CARS1: variants seen among roughly 807,000 people sequenced by gnomAD.
CARS1 encodes cysteinyl-tRNA synthetase 1, also known as cysteine--tRNA ligase, cytoplasmic.
In CARS1, 48 loss-of-function variants were observed where a neutral mutation model predicts 106.2. The observed-to-expected ratio is 0.45, with a 90% CI of 0.36 to 0.57. CARS1 has a LOEUF of 0.57. Ranked by LOEUF, CARS1 falls within the 20% of genes least tolerant of loss-of-function variation. The pLI is 0.00. For synonymous variants in CARS1, 409 were observed against 403.4 expected (o/e 1.01, Z -0.17); for missense variants, 968 against 1,057.2 (o/e 0.92, Z 1.17).
chr11:3,026,446 C>T (rs551900848), intron 10 of CARS1, among the ~76,000 whole-genome samples: 4 of 152,180 alleles, frequency 2.6e-5, no homozygotes, highest in Non-Finnish European at 5.9e-5. Context: ...ATCACATGTT[C>T]CCCATAAATT....
chr11:3,051,943 C>T (rs1428476955), intron 1 of CARS1, among the ~76,000 whole-genome samples: 1 of 152,220 alleles, frequency 6.6e-6, no homozygotes, highest in Non-Finnish European at 1.5e-5. Context: ...CAGTCACGTG[C>T]CTCTCACACT....
rs1476172742 is a variant in CARS1, at chr11:3,017,328, G to C, written c.1728-33C>G. Reference sequence around the variant, plus strand: ...ACAAAGAGGAAGGAATGTGAAGTCAGACCTGAAAACACACCATAGAAATTC... The same window carrying C: ...ACAAAGAGGAAGGAATGTGAAGTCACACCTGAAAACACACCATAGAAATTC... On this transcript the variant is annotated intron_variant, in intron 15 of 22. Transcript: ENST00000380525. This position sits in a 1 kb window ranked among gnomAD's most constrained non-coding sequence, Gnocchi z 4.9. 2 of 1,593,254 alleles carry C rather than the reference G, an allele frequency of 1.3e-6. No homozygotes were observed. The highest frequency in any genetic ancestry group is 2.7e-5 in the African/African-American group (2 of 74,692).
chr11:3,012,465 T>C (rs1850577239), intron 17 of CARS1, among the ~76,000 whole-genome samples, 189 bp from the exon 18 acceptor site: 1 of 152,220 alleles, frequency 6.6e-6, no homozygotes, highest in African/African-American at 2.4e-5. Context: ...CTGCTAGGTG[T>C]GCGAGTCACA....
chr11:3,012,061 C>T (rs1850521308), intron 18 of CARS1, 134 bp downstream of exon 18: 2 of 793,452 alleles, frequency 2.5e-6, no homozygotes, highest in African/African-American at 3.4e-5. Context: ...CCGTTCAACA[C>T]CCTGTGGTGC....
At position 3,039,863 on chromosome 11, in the gene CARS1, C is replaced by A; in HGVS notation, c.524G>T (p.Cys175Phe). The A allele has an allele frequency of 6.3e-7, 1 of 1,575,020 alleles. No individual in the cohort carries two copies. Among genetic ancestry groups the A allele is most frequent in the Non-Finnish European group, 8.7e-7 (1 of 1,153,752 alleles). ...GTCATCAATATCCGTAATGTTCATGCAATAAAAGACATCAAATTTGAAGTA... is the reference window on the plus strand; with the variant it reads ...GTCATCAATATCCGTAATGTTCATGAAATAAAAGACATCAAATTTGAAGTA... ...KDYFKFDVFY[C>F]MNITDIDDKI... The change falls in exon 5 of 23, where the codon TGC becomes TTC. Residue 175 changes from cysteine (C) to phenylalanine (F), a missense_variant. Physicochemically the swap from Cys to Phe is radical, Grantham distance 205. Coordinates refer to ENST00000380525, the MANE Select transcript of CARS1 (RefSeq NM_001014437.3). The surrounding 1 kb of genome is among the most constrained non-coding windows in gnomAD (Gnocchi z 5.6).
rs1013115558 is a variant in CARS1, at chr11:3,028,941, T to C, written c.1031+55A>G. The C allele has an allele frequency of 8.1e-7, 1 of 1,227,968 alleles. No individual in the cohort carries two copies. The highest frequency in any genetic ancestry group is 2.3e-5 in the East Asian group (1 of 42,940). The allele number at this position is 1,227,968 out of a possible 1,614,324, so 76.1% of individuals were successfully genotyped here. A position where few individuals can be genotyped will look rare whatever the true frequency, so the allele number is the denominator to read the frequency against. On this transcript the variant is annotated intron_variant, in intron 9 of 22. Transcript: ENST00000380525. This position sits in a 1 kb window ranked among gnomAD's most constrained non-coding sequence, Gnocchi z 4.4. Reference sequence around the variant, plus strand: ...CTCAGGCTCAGAGCTGGGGAGCTCCTCCCTGTGCGATGTTCTGCAGCCCTT... The same window carrying C: ...CTCAGGCTCAGAGCTGGGGAGCTCCCCCCTGTGCGATGTTCTGCAGCCCTT...
At position 3,006,910 on chromosome 11, in the gene CARS1, G is replaced by C; in HGVS notation, c.2118C>G (p.Pro706=). 3 of 1,613,922 alleles carry C rather than the reference G, an allele frequency of 1.9e-6. No homozygotes were observed. The highest frequency in any genetic ancestry group is 2.5e-6 in the Non-Finnish European group (3 of 1,179,910). The change falls in exon 19 of 23, where the codon CCC becomes CCG. Residue 706 remains proline, a synonymous_variant. Coordinates refer to ENST00000380525, the MANE Select transcript of CARS1 (RefSeq NM_001014437.3). ...GGTCTTCAAACCGCACCCCAAGCTC[G>C]GGCAGGATGTTGTCCCGCAGGGCAT... ...LSDALRDNIL[P]ELGVRFEDHE...
In CARS1 at chr11:3,006,738, G is replaced by A. The variant is rs1034466156; in HGVS notation, c.2149+141C>T. ...GGCTGGCCAGCGTGGGAATGGCGCC[G>A]GGGGACCCATGGGGCTGCCACTTTG... On this transcript the variant is annotated intron_variant, in intron 19 of 22. Transcript: ENST00000380525. The A allele has an allele frequency of 1.3e-4, 96 of 753,548 alleles. No individual in the cohort carries two copies. In the East Asian group the frequency reaches 2.0e-3, roughly 15 times the overall value. 46.7% of individuals were successfully genotyped at this position (753,548 alleles called of 1,614,324 possible). A position where few individuals can be genotyped will look rare whatever the true frequency, so the allele number is the denominator to read the frequency against.
intron 18 of CARS1, 121 bp downstream of exon 18, chr11:3,012,074 G>C: frequency 2.2e-6 from 2 of 890,876 alleles, no homozygotes; most frequent in Non-Finnish European, 3.7e-6. Context: ...TGTGGTGCAC[G>C]GGGCAGCCTT....
chr11:3,036,771 C>CA (rs1374162701), intron 7 of CARS1, among the ~76,000 whole-genome samples: 2 of 152,128 alleles, frequency 1.3e-5, no homozygotes, highest in African/African-American at 2.4e-5. Flanking sequence ...GGAAACAACC[C>CA]ACGTGTCCAC....
intron 1 of CARS1, among the ~76,000 whole-genome samples, chr11:3,056,702 C>T (rs992704681): frequency 6.6e-6 from 1 of 152,230 alleles, no homozygotes; most frequent in African/African-American, 2.4e-5. Flanking sequence ...CGCCCACCTC[C>T]CGGAAGCTGC....
intron 22 of CARS1, among the ~76,000 whole-genome samples, chr11:3,001,712 A>G (rs1849416320): frequency 6.6e-6 from 1 of 152,210 alleles, no homozygotes; most frequent in South Asian, 2.1e-4. Flanking sequence ...GCCCGGGGCC[A>G]CAACTCCCAG....
In CARS1 at chr11:3,029,105, T is replaced by C; in HGVS notation, c.943-21A>G. 1 of 1,585,972 alleles carries C rather than the reference T, an allele frequency of 6.3e-7. No individual in the cohort carries two copies. Among genetic ancestry groups the C allele is most frequent in the Admixed American group, 1.7e-5 (1 of 59,904 alleles). ...AGAACCTGTGCAAGACATGAGAATG[T>C]CCTGGGATTTTCCCTTCTGAAAACC... On this transcript the variant is annotated intron_variant, in intron 8 of 22. Coordinates refer to ENST00000380525, the MANE Select transcript of CARS1 (RefSeq NM_001014437.3). The surrounding 1 kb of genome is among the most constrained non-coding windows in gnomAD (Gnocchi z 5.9).
Position 3,039,753 on chromosome 11 carries a change from C to T in CARS1, c.552+82G>A, listed in dbSNP as rs1854176326. ...GAAAACACAAGCTAGCTCAAGCCTA[C>T]ATTATTTACTTATGCGAAAGTTCTA... On this transcript the variant is annotated intron_variant, in intron 5 of 22. Transcript: ENST00000380525. This position sits in a 1 kb window ranked among gnomAD's most constrained non-coding sequence, Gnocchi z 5.6. 2 of 681,790 alleles carry T rather than the reference C, an allele frequency of 2.9e-6. No homozygotes were observed. Among genetic ancestry groups the T allele is most frequent in the East Asian group, 2.8e-5 (1 of 35,170 alleles). 42.2% of individuals were successfully genotyped at this position (681,790 alleles called of 1,614,324 possible).
rs372948765 is a variant in CARS1 at position 3,050,779 on chromosome 11, C to T, written c.26-2778G>A. Among the ~76,000 whole-genome samples the T allele has an allele frequency of 2.6e-5, 4 of 152,170 alleles. No individual in the cohort carries two copies. The highest frequency in any genetic ancestry group is 2.0e-4 in the Admixed American group (3 of 15,280). On this transcript the variant is annotated intron_variant, in intron 1 of 22. Coordinates refer to ENST00000380525, the MANE Select transcript of CARS1 (RefSeq NM_001014437.3). The surrounding 1 kb of genome is among the most constrained non-coding windows in gnomAD (Gnocchi z 6.3). ...AATCCTTCACAGCTCTGCTAGGTGC[C>T]GGCTTCCCCACCAGGTCTTCAAGGA...
intron 1 of CARS1, chr11:3,054,923 C>T (rs967852019): frequency 7.1e-6 from 5 of 702,480 alleles, no homozygotes; most frequent in African/African-American, 7.0e-5. Flanking sequence ...TGCGGAAAGG[C>T]CCTGAGGTAG....
chr11:3,016,424 C>T lies in CARS1; in HGVS notation c.1918-575G>A, dbSNP rs138556462. ...TTTTTTAGTAGAGACGGGGTTTCAC[C>T]GTGTTAGTCAGGATGGTCTCCATCT... On this transcript the variant is annotated intron_variant, in intron 16 of 22. Coordinates refer to ENST00000380525, the MANE Select transcript of CARS1 (RefSeq NM_001014437.3). 8.7e-3 allele frequency among the ~76,000 whole-genome samples: 1,317 copies of T among 151,768 alleles called. 11 individuals carry two copies. Among genetic ancestry groups the T allele is most frequent in the East Asian group, 0.027 (138 of 5,124 alleles).
chr11:3,010,035 A>G (rs1201613403), intron 18 of CARS1, among the ~76,000 whole-genome samples: 1 of 152,172 alleles, frequency 6.6e-6, no homozygotes, highest in Non-Finnish European at 1.5e-5. Context: ...GGTAGGGATC[A>G]CCACCATCTT....
chr11:3,037,921 G>C lies in CARS1; in HGVS notation c.801+129C>G, dbSNP rs1313747188. ...CAGAACAGGGCCGCCTGCCACAGTG[G>C]AGCTACTGGAGACACAGAGTGTCTT... On this transcript the variant is annotated intron_variant, in intron 7 of 22. Coordinates refer to ENST00000380525, the MANE Select transcript of CARS1 (RefSeq NM_001014437.3). This position sits in a 1 kb window ranked among gnomAD's most constrained non-coding sequence, Gnocchi z 5.9. 1 of 917,400 alleles carries C rather than the reference G, an allele frequency of 1.1e-6. No individual in the cohort carries two copies. The highest frequency in any genetic ancestry group is 1.7e-5 in the African/African-American group (1 of 60,492). The allele number at this position is 917,400 out of a possible 1,614,324, so 56.8% of individuals were successfully genotyped here.
Sources: allele counts gnomAD v4.1 joint callset (sites outside exome capture counted in the v4.1 genomes callset), GRCh38; gene constraint gnomAD v4.1.1; non-coding constraint Gnocchi (gnomAD v3.1); transcripts MANE v1.5; gene names NCBI Gene and HGNC (gene_info 2026-07-23, HGNC 2026-07-21).